The following WDR25 variants were observed in gnomAD, a reference collection of about 807,000 sequenced individuals.
The protein encoded by WDR25 is WD repeat-containing protein 25.
In WDR25, 35 loss-of-function variants were observed where a neutral mutation model predicts 47.7. The ratio of observed to expected loss-of-function variants is 0.73; its 90% CI spans 0.56 to 0.97. WDR25 has a LOEUF of 0.97. Ranked by LOEUF, WDR25 falls within the 50% of genes least tolerant of loss-of-function variation. WDR25 has a pLI of 0.00. For missense variants in WDR25, 634 were observed against 704.7 expected, an observed-to-expected ratio of 0.90 and a Z score of 1.14; for synonymous variants, 248 against 278.9, an observed-to-expected ratio of 0.89 and a Z score of 1.10.
chr14:100,462,530 G>T (rs1352162865), intron 2 of WDR25, among the ~76,000 whole-genome samples: 1 of 152,192 alleles, frequency 6.6e-6, no homozygotes, highest in African/African-American at 2.4e-5. Context: ...GGTCTGCATT[G>T]ATTCAGATGC....
At chr14:100,448,224 G>A (rs1380270173) in intron 2 of WDR25, among the ~76,000 whole-genome samples, 1 of 151,448 alleles carries the variant, frequency 6.6e-6, no homozygotes, top group Non-Finnish European at 1.5e-5. Context: ...AAGATTTTAG[G>A]AACATTGGAA....
intron 4 of WDR25, among the ~76,000 whole-genome samples, chr14:100,491,084 A>G (rs1196895932): frequency 2.0e-5 from 3 of 152,062 alleles, no homozygotes; most frequent in Non-Finnish European, 4.4e-5. Context: ...TGATCTCGAG[A>G]GCCCCTTTCA....
At chr14:100,524,861 G>A (rs1299521093) in intron 4 of WDR25, among the ~76,000 whole-genome samples, 1 of 152,198 alleles carries the variant, frequency 6.6e-6, no homozygotes, top group African/African-American at 2.4e-5. Flanking sequence ...CTGAAATTAT[G>A]GAGTGACACA....
chr14:100,478,482 A>G (rs1319348857), intron 3 of WDR25, among the ~76,000 whole-genome samples: 1 of 152,230 alleles, frequency 6.6e-6, no homozygotes, highest in Non-Finnish European at 1.5e-5. Flanking sequence ...GTCTTATTTG[A>G]GAACTTCTTA....
At chr14:100,516,998 A>G (rs770938964) in intron 4 of WDR25, among the ~76,000 whole-genome samples, 2 of 150,062 alleles carry the variant, frequency 1.3e-5, no homozygotes, top group Non-Finnish European at 3.0e-5. Context: ...TTGTATGATC[A>G]TAGATCACTG....
At chr14:100,509,030 C>T (rs1263462730) in intron 4 of WDR25, among the ~76,000 whole-genome samples, 2 of 151,878 alleles carry the variant, frequency 1.3e-5, no homozygotes, top group South Asian at 2.1e-4. Flanking sequence ...GATTATTGAT[C>T]GATACATTTT....
intron 2 of WDR25, among the ~76,000 whole-genome samples, chr14:100,415,611 C>T (rs529713563): frequency 2.2e-4 from 33 of 152,314 alleles, no homozygotes; most frequent in African/African-American, 7.9e-4. Context: ...GGCAGGTTTA[C>T]CAGCAGCTGC....
Position 100,529,020 on chromosome 14 carries a change from A to G in WDR25, c.1273-48A>G, listed in dbSNP as rs140880850. 2.0e-3 allele frequency: 3,070 copies of G among 1,498,088 alleles called. 37 individuals carry two copies. The African/African-American group carries it at 0.037, about 18-fold the overall frequency. 92.8% of individuals were successfully genotyped at this position (1,498,088 alleles called of 1,614,324 possible). A position where few individuals can be genotyped will look rare whatever the true frequency, so the allele number is the denominator to read the frequency against. On this transcript the variant is annotated intron_variant, in intron 5 of 6. Transcript: ENST00000402312. This position sits in a 1 kb window ranked among gnomAD's most constrained non-coding sequence, Gnocchi z 5.1. Reference sequence around the variant, plus strand: ...GCCCCAGGCCCCAGAGCAGAGTGCCAGGTTGGGGGTGTCTTCTCTGACCCA... The same window carrying G: ...GCCCCAGGCCCCAGAGCAGAGTGCCGGGTTGGGGGTGTCTTCTCTGACCCA...
At position 100,463,467 on chromosome 14, in the gene WDR25, C is replaced by T. The variant is rs80344033; in HGVS notation, c.823-4554C>T. Among the ~76,000 whole-genome samples the T allele has an allele frequency of 7.7e-3, 1,173 of 152,238 alleles. 16 individuals carry two copies. The highest frequency in any genetic ancestry group is 0.027 in the African/African-American group (1,107 of 41,536). On this transcript the variant is annotated intron_variant, in intron 2 of 6. Transcript: ENST00000402312. ...CACTTCACTGGCCTCTTCTTAGACT[C>T]CTTTCTGGTTTCTCTCTCTCCTCCC...
Position 100,424,222 on chromosome 14 carries a change from A to G in WDR25, c.822+42476A>G, listed in dbSNP as rs1216350996. On this transcript the variant is annotated intron_variant, in intron 2 of 6. Coordinates refer to ENST00000402312, the MANE Select transcript of WDR25 (RefSeq NM_001161476.3). The surrounding 1 kb of genome is among the most constrained non-coding windows in gnomAD (Gnocchi z 4.2). ...GCCCAGGCACTTCGATGCCCACACT[A>G]CTTCCAGGGAGCTGAGTTTCAGAGC... Among the ~76,000 whole-genome samples the G allele has an allele frequency of 2.0e-5, 3 of 152,132 alleles. No individual in the cohort carries two copies. The highest frequency in any genetic ancestry group is 7.2e-5 in the African/African-American group (3 of 41,438).
At chr14:100,519,950 C>T (rs1413148908) in intron 4 of WDR25, among the ~76,000 whole-genome samples, 1 of 136,658 alleles carries the variant, frequency 7.3e-6, no homozygotes, top group African/African-American at 2.7e-5. Flanking sequence ...AGTATAAATA[C>T]AGTGTGTATA....
In WDR25 at chr14:100,449,608, G is replaced by T. The variant is rs1898957203; in HGVS notation, c.823-18413G>T. Among the ~76,000 whole-genome samples, 1 of 152,326 alleles carries T rather than the reference G, an allele frequency of 6.6e-6. No individual in the cohort carries two copies. Among genetic ancestry groups the T allele is most frequent in the East Asian group, 1.9e-4 (1 of 5,182 alleles). On this transcript the variant is annotated intron_variant, in intron 2 of 6. Transcript: ENST00000402312. This position sits in a 1 kb window ranked among gnomAD's most constrained non-coding sequence, Gnocchi z 4.2. ...TCCACCCAGACTGGGCCTTCAGAAG[G>T]AATTAAGTTGGAGGCCATTAAAACT...
At chr14:100,455,354 TA>T (rs1348218667) in intron 2 of WDR25, 1 of 151,498 alleles carries the variant, frequency 6.6e-6, no homozygotes, top group Non-Finnish European at 1.5e-5. Context: ...TATTCAGCCT[TA>T]AAACAGAGAA....
At position 100,425,422 on chromosome 14, in the gene WDR25, G is replaced by A. The variant is rs1202547905; in HGVS notation, c.823-42599G>A. 6.6e-6 allele frequency among the ~76,000 whole-genome samples: 1 copy of A among 152,224 alleles called. No homozygotes were observed. The highest frequency in any genetic ancestry group is 2.4e-5 in the African/African-American group (1 of 41,468). On this transcript the variant is annotated intron_variant, in intron 2 of 6. Coordinates refer to ENST00000402312, the MANE Select transcript of WDR25 (RefSeq NM_001161476.3). The surrounding 1 kb of genome is among the most constrained non-coding windows in gnomAD (Gnocchi z 4.8). ...AGGTTGCAGAGCTAAAAATTAGGGA[G>A]GCTAGGATTTGGACCTACATTTGCT...
intron 2 of WDR25, among the ~76,000 whole-genome samples, chr14:100,439,988 A>G (rs1248494361): frequency 6.6e-6 from 1 of 152,182 alleles, no homozygotes; most frequent in East Asian, 1.9e-4. Flanking sequence ...CTTCCAGTGC[A>G]TGTTCAGGTC....
At chr14:100,477,768 A>G (rs1298531218) in intron 3 of WDR25, among the ~76,000 whole-genome samples, 1 of 152,226 alleles carries the variant, frequency 6.6e-6, no homozygotes, top group Non-Finnish European at 1.5e-5. Context: ...CTGAAAAAGC[A>G]TTAATCTGTG....
rs567019322 is a variant in WDR25 at position 100,461,762 on chromosome 14, G to A, written c.823-6259G>A. On this transcript the variant is annotated intron_variant, in intron 2 of 6. Transcript: ENST00000402312. ...CAGGGACTGTCAAGAGGTGGGATGAGGCCAGGAGCCAGGCCTGACTAGGAG... is the reference window on the plus strand; with the variant it reads ...CAGGGACTGTCAAGAGGTGGGATGAAGCCAGGAGCCAGGCCTGACTAGGAG... Among the ~76,000 whole-genome samples, 13 of 152,266 alleles carry A rather than the reference G, an allele frequency of 8.5e-5. No homozygotes were observed. In the South Asian group the frequency reaches 2.7e-3, roughly 32 times the overall value.
Position 100,467,929 on chromosome 14 carries a change from C to T in WDR25, c.823-92C>T, listed in dbSNP as rs141823491. 1.7e-4 allele frequency: 251 copies of T among 1,488,666 alleles called. 2 individuals are homozygous for T. In the East Asian group the frequency reaches 4.3e-3, roughly 26 times the overall value. 92.2% of individuals were successfully genotyped at this position (1,488,666 alleles called of 1,614,324 possible). A position where few individuals can be genotyped will look rare whatever the true frequency, so the allele number is the denominator to read the frequency against. On this transcript the variant is annotated intron_variant, in intron 2 of 6. Transcript: ENST00000402312. Reference sequence around the variant, plus strand: ...TAAAATAATGAGAATCTAATTCCACCGAGACCTTTTTCTTTCTACAGTGGG... The same window carrying T: ...TAAAATAATGAGAATCTAATTCCACTGAGACCTTTTTCTTTCTACAGTGGG...
intron 3 of WDR25, among the ~76,000 whole-genome samples, chr14:100,471,168 C>T (rs1351375192): frequency 6.6e-6 from 1 of 152,088 alleles, no homozygotes; most frequent in East Asian, 1.9e-4. Flanking sequence ...GTTTCCATGT[C>T]CCTCTCCCTG....
Sources: allele counts gnomAD v4.1 joint callset (sites outside exome capture counted in the v4.1 genomes callset), GRCh38; gene constraint gnomAD v4.1.1; non-coding constraint Gnocchi (gnomAD v3.1); transcripts MANE v1.5; gene names NCBI Gene and HGNC (gene_info 2026-07-23, HGNC 2026-07-21).